Variants in ZNF385D observed in about 807,000 individuals in gnomAD.
The protein encoded by ZNF385D is zinc finger protein 385D.
Under a neutral mutation model 35.8 loss-of-function variants are expected in ZNF385D, and 15 were observed. The observed-to-expected ratio is 0.42, with a 90% CI of 0.28 to 0.64. The LOEUF (loss-of-function observed/expected upper bound fraction) is 0.64, where lower values mean the gene tolerates loss of function less well. ZNF385D is among the 30% of genes least tolerant of loss of function. The pLI is 0.23. For missense variants in ZNF385D, 474 were observed against 494.6 expected, an observed-to-expected ratio of 0.96 and a Z score of 0.39; for synonymous variants, 212 against 186.8, an observed-to-expected ratio of 1.13 and a Z score of -1.10.
At chr3:21,958,982 T>C (rs916401454) in intron 3 of ZNF385D, 1 of 152,210 alleles carries the variant, frequency 6.6e-6, no homozygotes, top group Admixed American at 6.5e-5. Flanking sequence ...CATAATGCAA[T>C]ATTACAAGAT....
intron 4 of ZNF385D, among the ~76,000 whole-genome samples, chr3:21,464,858 C>T (rs1444108333): frequency 6.6e-6 from 1 of 151,884 alleles, no homozygotes; most frequent in Non-Finnish European, 1.5e-5. Flanking sequence ...AGAAATATAA[C>T]TCATTTGAAA....
chr3:22,123,879 A>ACCAAG (rs1490904393), intron 3 of ZNF385D, among the ~76,000 whole-genome samples: 3 of 146,082 alleles, frequency 2.1e-5, no homozygotes, highest in African/African-American at 7.7e-5. Flanking sequence ...ACCAAACCAA[A>ACCAAG]CCAAACCAAA....
intron 2 of ZNF385D, among the ~76,000 whole-genome samples, chr3:21,598,146 C>T (rs142072969): frequency 2.2e-4 from 34 of 152,194 alleles, no homozygotes; most frequent in African/African-American, 7.2e-4. Flanking sequence ...CTTAGAGAAA[C>T]GCATCCTGCA....
chr3:21,600,417 T>C (rs934629670), intron 2 of ZNF385D, among the ~76,000 whole-genome samples: 1 of 152,198 alleles, frequency 6.6e-6, no homozygotes, highest in African/African-American at 2.4e-5. Flanking sequence ...ATTTGTGTTA[T>C]AGCCACCAGA....
At chr3:21,594,176 A>G (rs1402395777) in intron 2 of ZNF385D, among the ~76,000 whole-genome samples, 4 of 152,306 alleles carry the variant, frequency 2.6e-5, no homozygotes, top group African/African-American at 9.6e-5. Context: ...AATTAAAACC[A>G]TAGGGGTTTC....
intron 2 of ZNF385D, among the ~76,000 whole-genome samples, chr3:22,293,249 C>G (rs955860496): frequency 2.6e-5 from 4 of 152,050 alleles, no homozygotes; most frequent in Admixed American, 2.6e-4. Flanking sequence ...ATTATTAGGG[C>G]AACCAGGAGT....
At chr3:22,062,755 G>C (rs1261372280) in intron 3 of ZNF385D, among the ~76,000 whole-genome samples, 3 of 152,158 alleles carry the variant, frequency 2.0e-5, no homozygotes, top group Non-Finnish European at 4.4e-5. Flanking sequence ...AGACATTGCA[G>C]CTTTCTCCTT....
In ZNF385D at chr3:21,936,392, A is replaced by T. The variant is rs1470378625; in HGVS notation, c.325+232425T>A. ...AGCATATTAGCTGAGATGTGTAACA[A>T]TTTTTTTTTTTTGGCTATGTCAGCA... is the stretch of plus-strand genomic sequence containing the variant. On this transcript the variant is annotated intron_variant, in intron 3 of 5. Coordinates refer to the ZNF385D transcript ENST00000494108. Among the ~76,000 whole-genome samples the T allele has an allele frequency of 2.7e-5, 4 of 148,930 alleles. No homozygotes were observed. The East Asian group carries it at 5.9e-4, about 22-fold the overall frequency.
At chr3:21,579,029 T>C (rs1177716129) in intron 2 of ZNF385D, among the ~76,000 whole-genome samples, 1 of 152,206 alleles carries the variant, frequency 6.6e-6, no homozygotes, top group East Asian at 1.9e-4. Context: ...AATTCCTTTC[T>C]ATTTTGATTA....
intron 3 of ZNF385D, among the ~76,000 whole-genome samples, chr3:21,512,341 A>G (rs957863685): frequency 2.0e-5 from 3 of 152,142 alleles, no homozygotes; most frequent in Admixed American, 2.0e-4. Context: ...ATATCTCAGT[A>G]GAGGATTACT....
At chr3:21,423,001 A>C (rs1292550320) in intron 7 of ZNF385D, among the ~76,000 whole-genome samples, 1 of 152,194 alleles carries the variant, frequency 6.6e-6, no homozygotes, top group Non-Finnish European at 1.5e-5. Flanking sequence ...ATTGGGCAAG[A>C]GAAAAACATA....
At chr3:22,168,844 T>C (rs1030150928) in exon 3 of ZNF385D, 1 of 985,894 alleles carries the variant, frequency 1.0e-6, no homozygotes, top group Non-Finnish European at 1.2e-6. Flanking sequence ...GTCCCATTGC[T>C]GAGTTGTTTT....
chr3:22,014,947 T>G (rs1696792109), intron 3 of ZNF385D, among the ~76,000 whole-genome samples: 1 of 152,112 alleles, frequency 6.6e-6, no homozygotes, highest in Non-Finnish European at 1.5e-5. Context: ...TTACAAATAT[T>G]TGAGGAGTGA....
intron 2 of ZNF385D, among the ~76,000 whole-genome samples, chr3:22,203,998 T>C (rs1311778730): frequency 6.6e-6 from 1 of 152,034 alleles, no homozygotes; most frequent in Non-Finnish European, 1.5e-5. Flanking sequence ...ACATAGGTGG[T>C]AGTCAAGTGG....
chr3:21,907,920 C>A (rs1699761326), intron 3 of ZNF385D, among the ~76,000 whole-genome samples: 2 of 151,406 alleles, frequency 1.3e-5, no homozygotes, highest in South Asian at 2.1e-4. Flanking sequence ...AGAAATAGGC[C>A]CAGAAAGACC....
At chr3:22,308,639 G>C (rs1258342418) in intron 2 of ZNF385D, among the ~76,000 whole-genome samples, 1 of 151,996 alleles carries the variant, frequency 6.6e-6, no homozygotes, top group Non-Finnish European at 1.5e-5. Flanking sequence ...CATGAAAAAA[G>C]AGTTACTGAG....
At chr3:22,192,783 G>A (rs1250863060) in intron 2 of ZNF385D, among the ~76,000 whole-genome samples, 1 of 152,036 alleles carries the variant, frequency 6.6e-6, no homozygotes, top group Non-Finnish European at 1.5e-5. Context: ...AAGAAGATGG[G>A]GGTGGAATTC....
At chr3:21,795,184 T>G (rs1242822627) in intron 3 of ZNF385D, among the ~76,000 whole-genome samples, 1 of 152,238 alleles carries the variant, frequency 6.6e-6, no homozygotes, top group Admixed American at 6.5e-5. Context: ...AGTATTTGCC[T>G]GCTCTAAGAT....
intron 3 of ZNF385D, among the ~76,000 whole-genome samples, chr3:21,781,633 G>C (rs1210858869): frequency 2.6e-5 from 4 of 151,986 alleles, no homozygotes; most frequent in Admixed American, 2.6e-4. Context: ...TCAGGCCAAA[G>C]AATGAGTAAG....
Sources: gnomAD v4.1 joint callset for allele counts (sites outside exome capture counted in the v4.1 genomes callset) on GRCh38, gnomAD v4.1.1 for gene constraint, MANE v1.5 for transcripts, NCBI Gene and HGNC (gene_info 2026-07-23, HGNC 2026-07-21) for gene names.